The following RBM20 variants were observed in gnomAD, a reference collection of about 807,000 sequenced individuals.
RBM20 encodes the protein RNA-binding protein 20.
In RBM20, 51 loss-of-function variants were observed where a neutral mutation model predicts 110.1. That is an observed-to-expected ratio of 0.46 (90% CI 0.37 to 0.59). The LOEUF is 0.59. RBM20 is among the 20% of genes least tolerant of loss of function. The pLI is 0.00. For synonymous variants in RBM20, 589 were observed against 618.2 expected (o/e 0.95, Z 0.70); for missense variants, 1,512 against 1,574.9 (o/e 0.96, Z 0.68).
At position 110,833,327 on chromosome 10, in the gene RBM20, T is replaced by C. The variant is rs867402172; in HGVS notation, c.3573+2145T>C. On this transcript the variant is annotated intron_variant, in intron 13 of 13. Transcript: ENST00000369519. ...TCGCTTGAACCTGGGAGGTGGAGCTTGCAGTGAGCCGAGATCACATCATTG... is the reference window on the plus strand; with the variant it reads ...TCGCTTGAACCTGGGAGGTGGAGCTCGCAGTGAGCCGAGATCACATCATTG... 8.2e-5 allele frequency among the ~76,000 whole-genome samples: 11 copies of C among 134,716 alleles called. 1 individual carries two copies. Among genetic ancestry groups the C allele is most frequent in the Middle Eastern group, 8.8e-3 (2 of 228 alleles). The allele number at this position is 134,716 out of a possible 152,430, so 88.4% of individuals were successfully genotyped here. A position where few individuals can be genotyped will look rare whatever the true frequency, so the allele number is the denominator to read the frequency against.
chr10:110,812,200 A>T, intron 8 of RBM20, 78 bp from the exon 9 acceptor site: 1 of 1,274,694 alleles, frequency 7.8e-7, no homozygotes. Context: ...TCTAAGACAG[A>T]GACTGTGTGT....
chr10:110,779,904 C>T (rs1322534790), intron 1 of RBM20, among the ~76,000 whole-genome samples: 1 of 152,162 alleles, frequency 6.6e-6, no homozygotes, highest in African/African-American at 2.4e-5. Context: ...AATGTAAACA[C>T]GATTCACTCT....
intron 5 of RBM20, among the ~76,000 whole-genome samples, chr10:110,789,134 G>A (rs1438791008): frequency 6.6e-6 from 1 of 152,160 alleles, no homozygotes; most frequent in Non-Finnish European, 1.5e-5. Flanking sequence ...CCAGGATCCT[G>A]CCACTGTCTG....
intron 1 of RBM20, among the ~76,000 whole-genome samples, chr10:110,658,321 T>TG (rs1465610339): frequency 2.0e-5 from 3 of 152,126 alleles, no homozygotes; most frequent in African/African-American, 4.8e-5. Flanking sequence ...GCAACAGTGC[T>TG]GGGGGGTGAG....
chr10:110,805,676 G>T (rs1844685156), intron 7 of RBM20, among the ~76,000 whole-genome samples: 1 of 152,184 alleles, frequency 6.6e-6, no homozygotes, highest in Non-Finnish European at 1.5e-5. Context: ...CCAGGTGCGG[G>T]CAGGGCTGGG....
intron 1 of RBM20, among the ~76,000 whole-genome samples, chr10:110,672,589 G>T (rs938328533): frequency 1.3e-5 from 2 of 152,350 alleles, no homozygotes; most frequent in African/African-American, 2.4e-5. Flanking sequence ...GCGCCCCCAC[G>T]GTTCTCCAGC....
intron 1 of RBM20, among the ~76,000 whole-genome samples, chr10:110,699,996 C>A (rs1349323267): frequency 6.6e-6 from 1 of 152,162 alleles, no homozygotes; most frequent in Non-Finnish European, 1.5e-5. Context: ...GTGGACAGAG[C>A]AGGATGGCCC....
intron 1 of RBM20, among the ~76,000 whole-genome samples, chr10:110,773,875 G>A (rs775212654): frequency 3.3e-5 from 5 of 152,066 alleles, no homozygotes; most frequent in Non-Finnish European, 7.4e-5. Context: ...AGCGACGTAC[G>A]GAGCACAGTG....
rs147078997 is a variant in RBM20, at chr10:110,760,365, G to A, written c.192-20436G>A. On this transcript the variant is annotated intron_variant, in intron 1 of 13. Coordinates refer to ENST00000369519, the MANE Select transcript of RBM20 (RefSeq NM_001134363.3). ...TGTGTTAGACACTTTCATCTGAGGG[G>A]TTCATTGGAAGACACTATAAGCTAC... Among the ~76,000 whole-genome samples, 420 of 149,824 alleles carry A rather than the reference G, an allele frequency of 2.8e-3. 2 individuals are homozygous for A. Among genetic ancestry groups the A allele is most frequent in the African/African-American group, 9.5e-3 (388 of 40,778 alleles).
At chr10:110,670,484 T>C (rs1328652518) in intron 1 of RBM20, among the ~76,000 whole-genome samples, 1 of 152,316 alleles carries the variant, frequency 6.6e-6, no homozygotes, top group East Asian at 1.9e-4. Flanking sequence ...GACATTGGCT[T>C]CTGCTTCTTT....
chr10:110,645,176 C>G (rs1446888020), intron 1 of RBM20, among the ~76,000 whole-genome samples: 1 of 152,202 alleles, frequency 6.6e-6, no homozygotes, highest in African/African-American at 2.4e-5. Context: ...AAGAGTTTAG[C>G]TACGCAACCG....
intron 1 of RBM20, among the ~76,000 whole-genome samples, chr10:110,702,659 A>G (rs1301354782): frequency 6.6e-6 from 1 of 152,248 alleles, no homozygotes; most frequent in Non-Finnish European, 1.5e-5. Context: ...GTCGGAATTC[A>G]GGGTCTTCTG....
rs1027621271 is a variant in RBM20 at position 110,652,299 on chromosome 10, T to C, written c.191+7654T>C. 9.2e-5 allele frequency among the ~76,000 whole-genome samples: 14 copies of C among 152,214 alleles called. 1 individual carries two copies. The highest frequency in any genetic ancestry group is 3.4e-4 in the African/African-American group (14 of 41,456). On this transcript the variant is annotated intron_variant, in intron 1 of 13. Transcript: ENST00000369519. The stretch of plus-strand genomic sequence containing the variant: ...GTGCCTGCCAGCCTTAAAAAACATC[T>C]GAAGAACAAATGTAAAGAACATTAA...
chr10:110,800,697 G>A (rs1224436686), intron 7 of RBM20, among the ~76,000 whole-genome samples: 1 of 152,126 alleles, frequency 6.6e-6, no homozygotes, highest in Non-Finnish European at 1.5e-5. Context: ...AATCATATCT[G>A]TGCTTTTCCT....
intron 1 of RBM20, among the ~76,000 whole-genome samples, chr10:110,746,165 T>C (rs1194996638): frequency 1.2e-4 from 18 of 152,154 alleles, no homozygotes; most frequent in Admixed American, 1.1e-3. Context: ...TGAAGGAGGC[T>C]GGTGCGGGCT....
chr10:110,815,676 G>A (rs1844828876), intron 9 of RBM20, among the ~76,000 whole-genome samples: 1 of 152,180 alleles, frequency 6.6e-6, no homozygotes, highest in Non-Finnish European at 1.5e-5. Flanking sequence ...CTGAGACTCT[G>A]CCCTGGGAAC....
At chr10:110,822,347 G>T in intron 11 of RBM20, 1 of 444,588 alleles carries the variant, frequency 2.2e-6, no homozygotes, top group South Asian at 1.7e-5. Flanking sequence ...TACAAGAAAG[G>T]AGTGGAAGGG....
At chr10:110,801,427 C>CAA (rs34583233) in intron 7 of RBM20, among the ~76,000 whole-genome samples, 3 of 134,780 alleles carry the variant, frequency 2.2e-5, no homozygotes, top group Admixed American at 7.4e-5. Context: ...AACTCCGTCT[C>CAA]AAAAAAAAAA....
At chr10:110,816,605 G>T (rs1844844367) in intron 9 of RBM20, among the ~76,000 whole-genome samples, 1 of 152,076 alleles carries the variant, frequency 6.6e-6, no homozygotes, top group Non-Finnish European at 1.5e-5. Context: ...ATCACTTAAT[G>T]TCTTTATTTT....
Sources: gnomAD v4.1 joint callset for allele counts (sites outside exome capture counted in the v4.1 genomes callset) on GRCh38, gnomAD v4.1.1 for gene constraint, MANE v1.5 for transcripts, NCBI Gene and HGNC (gene_info 2026-07-23, HGNC 2026-07-21) for gene names.